Variants in CADM2 observed in about 807,000 individuals in gnomAD.
CADM2 encodes immunoglobulin superfamily member 4D.
In CADM2, 12 loss-of-function variants were observed where a neutral mutation model predicts 49.8. That is an observed-to-expected ratio of 0.24 (90% CI 0.15 to 0.39). The LOEUF (loss-of-function observed/expected upper bound fraction) is 0.39, where lower values mean the gene tolerates loss of function less well. CADM2 is among the 10% of genes least tolerant of loss of function. The probability of loss-of-function intolerance (pLI) is 1.00; values close to 1 mark genes in which losing one functional copy is unlikely to be tolerated. For missense variants in CADM2, 378 were observed against 492.3 expected, an observed-to-expected ratio of 0.77 and a Z score of 2.20; for synonymous variants, 214 against 175.4, an observed-to-expected ratio of 1.22 and a Z score of -1.74.
At chr3:86,041,725 G>C (rs896171019) in intron 8 of CADM2, among the ~76,000 whole-genome samples, 1 of 152,118 alleles carries the variant, frequency 6.6e-6, no homozygotes, top group Non-Finnish European at 1.5e-5. Context: ...TCTGCACCAA[G>C]GGGACATAAT....
intron 1 of CADM2, among the ~76,000 whole-genome samples, chr3:85,298,365 T>C (rs2044017528): frequency 6.6e-6 from 1 of 152,136 alleles, no homozygotes; most frequent in South Asian, 2.1e-4. Context: ...AGAACCCTTC[T>C]TCCTCTGAAA....
chr3:85,802,268 G>A, intron 3 of CADM2, 72 bp downstream of exon 3: 4 of 1,342,100 alleles, frequency 3.0e-6, no homozygotes, highest in Non-Finnish European at 4.0e-6. Flanking sequence ...TTATTTTTCT[G>A]AGATGATTCA....
intron 1 of CADM2, among the ~76,000 whole-genome samples, chr3:85,580,329 GA>G (rs1036947080): frequency 2.7e-5 from 4 of 150,226 alleles, no homozygotes; most frequent in African/African-American, 7.3e-5. Flanking sequence ...TTCCATTTAA[GA>G]AAAAAAAATA....
At chr3:85,514,693 A>T (rs1306089513) in intron 1 of CADM2, among the ~76,000 whole-genome samples, 1 of 152,144 alleles carries the variant, frequency 6.6e-6, no homozygotes, top group Non-Finnish European at 1.5e-5. Flanking sequence ...ACAGTCTCTC[A>T]TGAGTTGCTC....
chr3:85,651,735 A>T (rs1406921513), intron 1 of CADM2, among the ~76,000 whole-genome samples: 1 of 152,088 alleles, frequency 6.6e-6, no homozygotes, highest in African/African-American at 2.4e-5. Context: ...CTTGCTTTCC[A>T]AACTCTGACT....
At chr3:85,697,120 T>G (rs1362553484) in intron 1 of CADM2, among the ~76,000 whole-genome samples, 3 of 147,824 alleles carry the variant, frequency 2.0e-5, no homozygotes, top group Non-Finnish European at 4.6e-5. Flanking sequence ...ATGGCATATA[T>G]ATATATGGCA....
intron 5 of CADM2, among the ~76,000 whole-genome samples, chr3:85,893,021 G>A (rs1222765011): frequency 1.3e-5 from 2 of 152,186 alleles, no homozygotes; most frequent in Non-Finnish European, 2.9e-5. Flanking sequence ...TGAGAAACTT[G>A]TTGGGAAGTG....
rs58803795 is a variant in CADM2, at chr3:85,295,627, C to A, written c.61+335959C>A. On this transcript the variant is annotated intron_variant, in intron 1 of 9. Coordinates refer to ENST00000383699, the MANE Select transcript of CADM2 (RefSeq NM_001167675.2). Reference sequence around the variant, plus strand: ...TATGCAGCCATAAAAATGATGAGTTCATGTCCTTTGTAGGGACATGGATGA... The same window carrying A: ...TATGCAGCCATAAAAATGATGAGTTAATGTCCTTTGTAGGGACATGGATGA... Among the ~76,000 whole-genome samples the A allele has an allele frequency of 4.7e-3, 712 of 152,136 alleles. 4 individuals are homozygous for A. The highest frequency in any genetic ancestry group is 0.027 in the Middle Eastern group (8 of 294).
At chr3:85,922,759 T>G (rs73132627) in intron 6 of CADM2, among the ~76,000 whole-genome samples, 146 of 152,214 alleles carry the variant, frequency 9.6e-4, no homozygotes, top group Non-Finnish European at 1.8e-3. Flanking sequence ...ATTCCATAAT[T>G]GCAAAACATT....
At chr3:85,287,163 C>T (rs2043652874) in intron 1 of CADM2, among the ~76,000 whole-genome samples, 1 of 152,068 alleles carries the variant, frequency 6.6e-6, no homozygotes, top group Non-Finnish European at 1.5e-5. Flanking sequence ...TCAAAAACAT[C>T]AAATCAGCAA....
intron 1 of CADM2, among the ~76,000 whole-genome samples, chr3:85,287,285 T>G (rs191624769): frequency 2.0e-5 from 3 of 152,250 alleles, no homozygotes; most frequent in Admixed American, 1.3e-4. Flanking sequence ...CCATACTTTT[T>G]TTTTTTCAAG....
intron 1 of CADM2, among the ~76,000 whole-genome samples, chr3:85,518,645 C>A (rs1409935595): frequency 1.3e-5 from 2 of 152,150 alleles, no homozygotes; most frequent in Non-Finnish European, 2.9e-5. Flanking sequence ...CTGTTCCTTG[C>A]CCCTTCCAAC....
chr3:85,352,882 A>G (rs2031487142), intron 1 of CADM2, among the ~76,000 whole-genome samples: 1 of 152,144 alleles, frequency 6.6e-6, no homozygotes, highest in Admixed American at 6.6e-5. Flanking sequence ...ATAGTCAGAC[A>G]CAATGCTATG....
chr3:86,016,021 T>C (rs1001939455), intron 8 of CADM2, among the ~76,000 whole-genome samples: 5 of 152,176 alleles, frequency 3.3e-5, no homozygotes, highest in African/African-American at 9.6e-5. Flanking sequence ...AAACAAAATG[T>C]GAATTTTGTT....
intron 1 of CADM2, among the ~76,000 whole-genome samples, chr3:85,681,341 T>C (rs898491876): frequency 6.6e-6 from 1 of 152,090 alleles, no homozygotes; most frequent in Admixed American, 6.6e-5. Flanking sequence ...TATAGAGAGA[T>C]AAGAAGAATA....
intron 8 of CADM2, among the ~76,000 whole-genome samples, chr3:85,965,903 C>G (rs1725414998): frequency 1.3e-5 from 2 of 151,580 alleles, no homozygotes; most frequent in South Asian, 2.1e-4. Context: ...ATTAAAAATA[C>G]ACTCATAAAA....
At chr3:85,394,204 T>C (rs2034660353) in intron 1 of CADM2, among the ~76,000 whole-genome samples, 1 of 152,230 alleles carries the variant, frequency 6.6e-6, no homozygotes, top group African/African-American at 2.4e-5. Context: ...GTTATTCTTT[T>C]ATAGTTGATA....
intron 1 of CADM2, among the ~76,000 whole-genome samples, chr3:85,665,123 A>G (rs1485433003): frequency 3.3e-5 from 5 of 151,956 alleles, no homozygotes; most frequent in Admixed American, 6.6e-5. Context: ...TCTGTTTCAT[A>G]TTATCTGATA....
At chr3:85,697,241 T>C (rs188257316) in intron 1 of CADM2, among the ~76,000 whole-genome samples, 6 of 151,854 alleles carry the variant, frequency 4.0e-5, no homozygotes, top group Admixed American at 2.6e-4. Context: ...TTCAGATTCT[T>C]TCAGGAAGTG....
Sources: gnomAD v4.1 joint callset for allele counts (sites outside exome capture counted in the v4.1 genomes callset) on GRCh38, gnomAD v4.1.1 for gene constraint, MANE v1.5 for transcripts, NCBI Gene and HGNC (gene_info 2026-07-23, HGNC 2026-07-21) for gene names.